Variants in SIAH2 observed in about 807,000 individuals in gnomAD.
The protein encoded by SIAH2 is E3 ubiquitin-protein ligase SIAH2.
In SIAH2, 4 loss-of-function variants were observed where a neutral mutation model predicts 20.4. That is an observed-to-expected ratio of 0.20 (90% confidence interval 0.10 to 0.45). The LOEUF is 0.45. SIAH2 is among the 20% of genes least tolerant of loss of function. The pLI, the probability that SIAH2 is intolerant of heterozygous loss-of-function variation, is 0.99. For missense variants in SIAH2, 259 were observed against 440.3 expected, an observed-to-expected ratio of 0.59 and a Z score of 3.69; for synonymous variants, 171 against 192.5, an observed-to-expected ratio of 0.89 and a Z score of 0.93.
At chr3:150,747,442 T>C (rs1714242921) in intron 1 of SIAH2, among the ~76,000 whole-genome samples, 1 of 152,218 alleles carries the variant, frequency 6.6e-6, no homozygotes, top group Admixed American at 6.5e-5. Flanking sequence ...AGATGTCTGG[T>C]TCTTAGCTGT....
chr3:150,760,090 G>A (rs75942495), intron 1 of SIAH2, among the ~76,000 whole-genome samples: 13,386 of 152,202 alleles, frequency 0.088, 1,130 homozygotes, highest in East Asian at 0.35. Context: ...CAGGCCTTAC[G>A]GCTCTCTGTT....
intron 1 of SIAH2, among the ~76,000 whole-genome samples, chr3:150,759,946 T>G (rs1016713537): frequency 6.6e-6 from 1 of 152,106 alleles, no homozygotes; most frequent in African/African-American, 2.4e-5. Flanking sequence ...GTTGGTTTTT[T>G]TCACATGAGC....
chr3:150,753,218 G>A (rs868541581), intron 1 of SIAH2, among the ~76,000 whole-genome samples: 1 of 152,218 alleles, frequency 6.6e-6, no homozygotes, highest in Non-Finnish European at 1.5e-5. Flanking sequence ...GTTTCAGAAA[G>A]ACGAGAGGGG....
chr3:150,756,254 T>C (rs1714482975), intron 1 of SIAH2, among the ~76,000 whole-genome samples: 1 of 152,212 alleles, frequency 6.6e-6, no homozygotes, highest in Non-Finnish European at 1.5e-5. Context: ...TCAAATACCC[T>C]GTGTATGATC....
At chr3:150,760,502 G>A (rs565270199) in intron 1 of SIAH2, among the ~76,000 whole-genome samples, 16 of 152,292 alleles carry the variant, frequency 1.1e-4, no homozygotes, top group South Asian at 4.1e-4. Context: ...AGGAAAGAAC[G>A]TATGCTTTCA....
chr3:150,749,580 A>T (rs1714311962), intron 1 of SIAH2, among the ~76,000 whole-genome samples: 1 of 152,218 alleles, frequency 6.6e-6, no homozygotes, highest in Non-Finnish European at 1.5e-5. Context: ...ATGGGACAGA[A>T]ATGGTTTATG....
intron 1 of SIAH2, among the ~76,000 whole-genome samples, chr3:150,749,693 A>G (rs1198844554): frequency 5.3e-5 from 8 of 152,218 alleles, no homozygotes; most frequent in Non-Finnish European, 7.3e-5. Context: ...TGAAGTTGGT[A>G]GTTTTTCTTT....
intron 1 of SIAH2, among the ~76,000 whole-genome samples, chr3:150,757,828 A>C (rs1429395836): frequency 2.0e-5 from 3 of 152,124 alleles, no homozygotes; most frequent in African/African-American, 7.2e-5. Flanking sequence ...AAAGGAAAAA[A>C]AAAAGATCCA....
chr3:150,762,675 C>T lies in SIAH2; in HGVS notation c.175G>A (p.Gly59Ser), dbSNP rs1714647757. 6 of 1,429,152 alleles carry T rather than the reference C, an allele frequency of 4.2e-6. No homozygotes were observed. The highest frequency in any genetic ancestry group is 5.5e-6 in the Non-Finnish European group (6 of 1,088,462). The allele number at this position is 1,429,152 out of a possible 1,614,324, so 88.5% of individuals were successfully genotyped here. Residue 59 changes from glycine to serine, a missense_variant, in exon 1 of 2, where the codon GGC (glycine) becomes AGC (serine). Physicochemically the swap from Gly to Ser is moderately conservative, Grantham distance 56 (BLOSUM62 0). This residue lies in a region of SIAH2 where 99 missense variants were observed against 112.7 expected (regional missense o/e 0.88). Transcript: ENST00000312960. The surrounding 1 kb of genome is among the most constrained non-coding windows in gnomAD (Gnocchi z 6.6). ...PAAAAVISGP[G>S]GGGGAGPVSP... Reference sequence around the variant, plus strand: ...ACCGGGCCGGCCCCGCCGCCGCCGCCGGGGCCCGAGATCACCGCCGCCGCG... The same window carrying T: ...ACCGGGCCGGCCCCGCCGCCGCCGCTGGGGCCCGAGATCACCGCCGCCGCG...
At chr3:150,745,939 A>T (rs1714201784) in intron 1 of SIAH2, among the ~76,000 whole-genome samples, 1 of 152,200 alleles carries the variant, frequency 6.6e-6, no homozygotes, top group Non-Finnish European at 1.5e-5. Flanking sequence ...TAATAAATTT[A>T]ACAACTATGT....
In SIAH2 at chr3:150,742,240, C is replaced by T. The variant is rs774269843; in HGVS notation, c.876G>A (p.Met292Ile). 6.2e-7 allele frequency: 1 copy of T among 1,614,044 alleles called. No homozygotes were observed. Among genetic ancestry groups the T allele is most frequent in the African/African-American group, 1.3e-5 (1 of 74,906 alleles). ...SIHDGVAAAI[M>I]NSDCLVFDTA... ...TGTCGAAAACAAGGCAGTCGCTGTT[C>T]ATGATGGCCGCAGCCACACCGTCAT... Residue 292 changes from methionine to isoleucine, a missense_variant, in exon 2 of 2, where the codon ATG (methionine) becomes ATA (isoleucine). Met to Ile is a conservative substitution (Grantham distance 10). Transcript: ENST00000312960. The surrounding 1 kb of genome is among the most constrained non-coding windows in gnomAD (Gnocchi z 4.8).
At chr3:150,761,536 C>G (rs1422714184) in intron 1 of SIAH2, among the ~76,000 whole-genome samples, 1 of 152,126 alleles carries the variant, frequency 6.6e-6, no homozygotes, top group Non-Finnish European at 1.5e-5. Flanking sequence ...AAAAACCTCC[C>G]TGACATACAC....
Position 150,762,955 on chromosome 3 carries a change from G to A in SIAH2, c.-106C>T, listed in dbSNP as rs1714660769. 1 of 1,097,592 alleles carries A rather than the reference G, an allele frequency of 9.1e-7. No individual in the cohort carries two copies. Among genetic ancestry groups the A allele is most frequent in the Non-Finnish European group, 1.1e-6 (1 of 895,946 alleles). 68.0% of individuals were successfully genotyped at this position (1,097,592 alleles called of 1,614,324 possible). On this transcript the variant is annotated 5_prime_UTR_variant, in exon 1 of 2. Coordinates refer to ENST00000312960, the MANE Select transcript of SIAH2 (RefSeq NM_005067.7). The surrounding 1 kb of genome is among the most constrained non-coding windows in gnomAD (Gnocchi z 6.6). The stretch of plus-strand genomic sequence containing the variant: ...GCAGCGAGCTCCGAGGCAACGCCAC[G>A]GCGCCCAGCCCAGGTCCGGGCGGCG...
intron 1 of SIAH2, chr3:150,761,982 T>C (rs1278582493): frequency 6.1e-6 from 1 of 164,910 alleles, no homozygotes; most frequent in Admixed American, 6.4e-5. Flanking sequence ...GCGCAGACGG[T>C]AGGCGCGGGG....
intron 1 of SIAH2, among the ~76,000 whole-genome samples, chr3:150,744,312 C>A (rs1454189474): frequency 1.3e-5 from 2 of 152,180 alleles, no homozygotes; most frequent in African/African-American, 4.8e-5. Flanking sequence ...CCCCACTTCC[C>A]CATACCTAAG....
At chr3:150,760,582 T>C (rs1714584294) in intron 1 of SIAH2, among the ~76,000 whole-genome samples, 1 of 152,260 alleles carries the variant, frequency 6.6e-6, no homozygotes, top group Admixed American at 6.5e-5. Context: ...TTCCTTCCCT[T>C]TCTCTTGGGA....
chr3:150,753,797 A>C (rs1199506549), intron 1 of SIAH2, among the ~76,000 whole-genome samples: 2 of 147,886 alleles, frequency 1.4e-5, no homozygotes, highest in Non-Finnish European at 3.0e-5. Context: ...CTGTCTCGAA[A>C]CAAAAAACAA....
intron 1 of SIAH2, among the ~76,000 whole-genome samples, chr3:150,743,612 T>C (rs559113165): frequency 1.3e-5 from 2 of 152,266 alleles, no homozygotes; most frequent in Non-Finnish European, 2.9e-5. Flanking sequence ...CCTCAGACAC[T>C]GCCTTAATAG....
chr3:150,762,347 C>T lies in SIAH2; in HGVS notation c.417+86G>A, dbSNP rs998134990. 6.6e-7 allele frequency: 1 copy of T among 1,504,410 alleles called. No homozygotes were observed. Among genetic ancestry groups the T allele is most frequent in the Non-Finnish European group, 8.8e-7 (1 of 1,131,558 alleles). The allele number at this position is 1,504,410 out of a possible 1,614,324, so 93.2% of individuals were successfully genotyped here. A position where few individuals can be genotyped will look rare whatever the true frequency, so the allele number is the denominator to read the frequency against. On this transcript the variant is annotated intron_variant, in intron 1 of 1. Transcript: ENST00000312960. The surrounding 1 kb of genome is among the most constrained non-coding windows in gnomAD (Gnocchi z 6.6). ...TTTTTTTTAAATGAGAGATGCCGCCCGCCTCTCCGGGCCTGCGAGTGGGCT... is the reference window on the plus strand; with the variant it reads ...TTTTTTTTAAATGAGAGATGCCGCCTGCCTCTCCGGGCCTGCGAGTGGGCT...
Sources: gnomAD v4.1 joint callset for allele counts (sites outside exome capture counted in the v4.1 genomes callset) on GRCh38, gnomAD v4.1.1 for gene constraint, gnomAD v4.1.1 regional missense constraint, Gnocchi (gnomAD v3.1) non-coding constraint, MANE v1.5 for transcripts, NCBI Gene and HGNC (gene_info 2026-07-23, HGNC 2026-07-21) for gene names.